Variants in TYK2 observed in about 807,000 individuals in gnomAD.
The protein encoded by TYK2 is non-receptor tyrosine-protein kinase TYK2.
TYK2 carries 65 observed loss-of-function variants against 130.9 expected under a neutral mutation model. The ratio of observed to expected loss-of-function variants is 0.50; its 90% confidence interval spans 0.41 to 0.61. The LOEUF (loss-of-function observed/expected upper bound fraction) is 0.61. Among genes scored for constraint, TYK2 ranks in the 20% least tolerant of loss-of-function variants. TYK2 has a pLI of 0.00. For missense variants in TYK2, 1,378 were observed against 1,610.7 expected, an observed-to-expected ratio of 0.86 and a Z score of 2.47; for synonymous variants, 647 against 658.9, an observed-to-expected ratio of 0.98 and a Z score of 0.28.
intron 17 of TYK2, 161 bp from the exon 18 acceptor site, chr19:10,356,879 TGCTCACA>T: frequency 4.1e-6 from 3 of 733,372 alleles, no homozygotes; most frequent in Non-Finnish European, 7.0e-6. Flanking sequence ...TGGGAGGACG[TGCTCACA>T]GCCGTAGAAC....
intron 3 of TYK2, among the ~76,000 whole-genome samples, chr19:10,370,913 G>C (rs1454781080): frequency 6.6e-6 from 1 of 151,940 alleles, no homozygotes; most frequent in Non-Finnish European, 1.5e-5. Context: ...TAAGGCGGGA[G>C]AATCACTTGA....
chr19:10,358,398 T>C (rs1393939196), intron 15 of TYK2, among the ~76,000 whole-genome samples: 1 of 146,834 alleles, frequency 6.8e-6, no homozygotes, highest in Non-Finnish European at 1.5e-5. Flanking sequence ...ACTCCTGGGC[T>C]CAAGCCTTCC....
chr19:10,365,444 G>A (rs531871288), intron 7 of TYK2, 73 bp downstream of exon 7: 31 of 1,602,578 alleles, frequency 1.9e-5, no homozygotes, highest in Non-Finnish European at 2.6e-5. Context: ...TCAGAGGCTA[G>A]GGTCAAGGAT....
intron 3 of TYK2, chr19:10,369,632 TG>T: frequency 2.4e-6 from 1 of 424,332 alleles, no homozygotes; most frequent in Non-Finnish European, 4.7e-6. Context: ...CTCCATGTCC[TG>T]GGGCTCCATC....
chr19:10,369,590 G>A (rs1336581681), intron 3 of TYK2, among the ~76,000 whole-genome samples: 1 of 152,014 alleles, frequency 6.6e-6, no homozygotes, highest in Non-Finnish European at 1.5e-5. Flanking sequence ...CTCCAAAACA[G>A]ATCGGTCACC....
chr19:10,373,335 G>A, intron 3 of TYK2, among the ~76,000 whole-genome samples: 1 of 150,150 alleles, frequency 6.7e-6, no homozygotes, highest in East Asian at 2.0e-4. Context: ...ACGGCACCTG[G>A]CCAATGTTTC....
At chr19:10,375,302 T>C (rs1450862153) in intron 3 of TYK2, among the ~76,000 whole-genome samples, 2 of 152,088 alleles carry the variant, frequency 1.3e-5, no homozygotes, top group African/African-American at 4.8e-5. Context: ...GGAAGGTATA[T>C]GTAACCAAAG....
At chr19:10,377,752 G>GGGTGGATGGGTGGGTGAGTA (rs2042209719) in intron 3 of TYK2, among the ~76,000 whole-genome samples, 1 of 77,534 alleles carries the variant, frequency 1.3e-5, no homozygotes, top group Non-Finnish European at 2.5e-5. Context: ...GTGGATAGGT[G>GGGTGGATGGGTGGGTGAGTA]GGTGGATGGG....
chr19:10,378,660 C>G (rs1304155646), intron 2 of TYK2, among the ~76,000 whole-genome samples: 2 of 152,156 alleles, frequency 1.3e-5, no homozygotes, highest in East Asian at 3.9e-4. Flanking sequence ...GAACCCTCCT[C>G]TCTTTCCACA....
intron 3 of TYK2, among the ~76,000 whole-genome samples, chr19:10,374,008 T>G (rs2042016060): frequency 6.6e-6 from 1 of 152,168 alleles, no homozygotes; most frequent in South Asian, 2.1e-4. Context: ...GGCTCACACC[T>G]GTAATCCCAG....
In TYK2 at chr19:10,364,732, C is replaced by G; in HGVS notation, c.1249G>C (p.Val417Leu). Residue 417 changes from valine to leucine, a missense_variant, in exon 9 of 25, where the codon GTG becomes CTG. Physicochemically the swap from Val to Leu is conservative, Grantham distance 32. Transcript: ENST00000525621. This position sits in a 1 kb window ranked among gnomAD's most constrained non-coding sequence, Gnocchi z 4.9. Reference protein sequence around the residue: ...LPSRAAALSFVSLVDGYFRLT... With the variant: ...LPSRAAALSFLSLVDGYFRLT... ...CGGAAATAGCCGTCCACCAGCGACA[C>G]GAAGGACAGCGCCGCAGCCCGGGAA... 6.2e-7 allele frequency: 1 copy of G among 1,613,848 alleles called. No individual in the cohort carries two copies. The highest frequency in any genetic ancestry group is 8.5e-7 in the Non-Finnish European group (1 of 1,179,994).
At chr19:10,376,203 C>T (rs1160956255) in intron 3 of TYK2, among the ~76,000 whole-genome samples, 6 of 137,246 alleles carry the variant, frequency 4.4e-5, no homozygotes, top group Admixed American at 7.3e-5. Context: ...AGTAGAGATG[C>T]GGTTTCACTA....
rs949592430 is a variant in TYK2 at position 10,361,682 on chromosome 19, C to T, written c.1960-84G>A. 2 of 1,579,130 alleles carry T rather than the reference C, an allele frequency of 1.3e-6. No homozygotes were observed. Among genetic ancestry groups the T allele is most frequent in the Admixed American group, 1.7e-5 (1 of 59,174 alleles). ...CCACGGACACACCCCTCCCATCCCA[C>T]CTCCTCCACAGACACACCCCTCCCA... On this transcript the variant is annotated intron_variant, in intron 13 of 24. Coordinates refer to ENST00000525621, the MANE Select transcript of TYK2 (RefSeq NM_003331.5). The surrounding 1 kb of genome is among the most constrained non-coding windows in gnomAD (Gnocchi z 4.0).
Position 10,364,586 on chromosome 19 carries a change from C to G in TYK2, c.1367+28G>C. 1 of 1,612,304 alleles carries G rather than the reference C, an allele frequency of 6.2e-7. No homozygotes were observed. The highest frequency in any genetic ancestry group is 8.5e-7 in the Non-Finnish European group (1 of 1,179,250). On this transcript the variant is annotated intron_variant, in intron 9 of 24. Transcript: ENST00000525621. This position sits in a 1 kb window ranked among gnomAD's most constrained non-coding sequence, Gnocchi z 4.9. Reference sequence around the variant, plus strand: ...GTCTAGTTGGCACCCTTGGCGGTGGCCCCCAGCGCCCCCCACCCAGCACTC... The same window carrying G: ...GTCTAGTTGGCACCCTTGGCGGTGGGCCCCAGCGCCCCCCACCCAGCACTC...
chr19:10,351,207 G>A (rs746067731), intron 23 of TYK2, 45 bp from the exon 24 acceptor site: 3 of 1,524,052 alleles, frequency 2.0e-6, no homozygotes. Context: ...GCAATGAAAG[G>A]CAGGCACGGT....
rs1418420468 is a variant in TYK2 at position 10,353,497 on chromosome 19, A to C, written c.3027+31T>G. 3 of 1,447,074 alleles carry C rather than the reference A, an allele frequency of 2.1e-6. No homozygotes were observed. Among genetic ancestry groups the C allele is most frequent in the Non-Finnish European group, 2.8e-6 (3 of 1,083,612 alleles). The allele number at this position is 1,447,074 out of a possible 1,614,324, so 89.6% of individuals were successfully genotyped here. On this transcript the variant is annotated intron_variant, in intron 21 of 24. Transcript: ENST00000525621. This position sits in a 1 kb window ranked among gnomAD's most constrained non-coding sequence, Gnocchi z 6.9. ...AGCCCAAGCTGAAGAGGAAGGGGCA[A>C]GCTCCAGAAGCAGGGGCGGGGCCGA...
chr19:10,378,456 A>G (rs1286983338), intron 2 of TYK2, 30 bp from the exon 3 acceptor site: 1 of 1,580,346 alleles, frequency 6.3e-7, no homozygotes. Context: ...TCAGCTCCCA[A>G]GTCTCAGCCC....
chr19:10,378,136 G>C, intron 3 of TYK2, 78 bp downstream of exon 3: 1 of 1,471,296 alleles, frequency 6.8e-7, no homozygotes, highest in South Asian at 1.2e-5. Flanking sequence ...GTGGGTGGGT[G>C]GATAGACGGA....
At chr19:10,362,044 C>T (rs1449559851) in intron 12 of TYK2, 34 bp downstream of exon 12, 1 of 1,613,272 alleles carries the variant, frequency 6.2e-7, no homozygotes, top group African/African-American at 1.3e-5. Flanking sequence ...CCCAGGGGCC[C>T]TGCCCTTGCC....
Sources: allele counts gnomAD v4.1 joint callset (sites outside exome capture counted in the v4.1 genomes callset), GRCh38; gene constraint gnomAD v4.1.1; non-coding constraint Gnocchi (gnomAD v3.1); transcripts MANE v1.5; gene names NCBI Gene and HGNC (gene_info 2026-07-23, HGNC 2026-07-21).